USP28: variants seen among roughly 807,000 people sequenced by gnomAD.
The protein encoded by USP28 is ubiquitin specific peptidase 28.
In USP28, 113 loss-of-function variants were observed where a neutral mutation model predicts 145.0. The observed-to-expected ratio is 0.78, with a 90% CI of 0.67 to 0.91. USP28 has a LOEUF of 0.91. USP28 is among the 40% of genes least tolerant of loss of function. The pLI, the probability that USP28 is intolerant of heterozygous loss-of-function variation, is 0.00. For synonymous variants in USP28, 447 were observed against 450.9 expected (o/e 0.99, Z 0.11); for missense variants, 1,201 against 1,289.6 (o/e 0.93, Z 1.05).
chr11:113,862,933 T>A (rs911950353), intron 1 of USP28, among the ~76,000 whole-genome samples: 3 of 152,150 alleles, frequency 2.0e-5, no homozygotes, highest in African/African-American at 4.8e-5. Flanking sequence ...GTTAAGATCA[T>A]ATTCAATGGT....
intron 19 of USP28, 111 bp from the exon 21 acceptor site, chr11:113,805,157 A>C (rs1939724396): frequency 3.1e-6 from 3 of 954,472 alleles, no homozygotes; most frequent in Non-Finnish European, 4.5e-6. Flanking sequence ...ACTTCTAAAA[A>C]ATTCATATCG....
chr11:113,830,872 C>T (rs140856939), exon 9 of USP28: 112 of 1,613,642 alleles, frequency 6.9e-5, no homozygotes, highest in Middle Eastern at 1.6e-4. Flanking sequence ...TTTACCTTCA[C>T]GAACCCCTTC....
chr11:113,801,848 G>A (rs1266550788), intron 23 of USP28, 170 bp from the exon 25 acceptor site: 14 of 517,956 alleles, frequency 2.7e-5, no homozygotes, highest in Non-Finnish European at 4.3e-5. Context: ...GATTTAATTA[G>A]TGTTTAGATG....
At chr11:113,815,478 T>C (rs1462416363) in intron 13 of USP28, 96 bp from the exon 14 acceptor site, 1 of 1,155,948 alleles carries the variant, frequency 8.7e-7, no homozygotes, top group Non-Finnish European at 1.2e-6. Flanking sequence ...TATGAAAAAG[T>C]ACAGGTATTC....
chr11:113,806,280 G>A (rs1939941421), intron 19 of USP28, among the ~76,000 whole-genome samples: 1 of 151,924 alleles, frequency 6.6e-6, no homozygotes, highest in Admixed American at 6.6e-5. Flanking sequence ...TGTTGCCCAG[G>A]CTGGAGTGCA....
chr11:113,875,474 C>T, exon 1 of USP28: 1 of 1,233,872 alleles, frequency 8.1e-7, no homozygotes. Context: ...GCGCCGGCCG[C>T]GTCGTCCTGC....
chr11:113,814,122 T>G (rs1242196437), intron 14 of USP28, among the ~76,000 whole-genome samples, 167 bp from the exon 15 acceptor site: 1 of 152,258 alleles, frequency 6.6e-6, no homozygotes, highest in African/African-American at 2.4e-5. Context: ...CTTTAGGTTA[T>G]GAAAGCTTTT....
At position 113,833,024 on chromosome 11, in the gene USP28, T is replaced by C. The variant is rs537443646; in HGVS notation, c.759+396A>G. Among the ~76,000 whole-genome samples the C allele has an allele frequency of 2.6e-5, 4 of 152,318 alleles. No homozygotes were observed. In the South Asian group the frequency reaches 6.2e-4, roughly 24 times the overall value. ...AAAAGCTCCTGAACTCAGGTTTAGATAGTTTTAAAGATACTATTTCCATCT... is the reference window on the plus strand; with the variant it reads ...AAAAGCTCCTGAACTCAGGTTTAGACAGTTTTAAAGATACTATTTCCATCT... On this transcript the variant is annotated intron_variant, in intron 7 of 24. Coordinates refer to ENST00000003302, the Ensembl canonical transcript of USP28.
chr11:113,831,897 AC>A (rs753255011), intron 8 of USP28, 22 bp downstream of exon 8: 2 of 1,607,516 alleles, frequency 1.2e-6, no homozygotes, highest in South Asian at 2.2e-5. Context: ...GGAAGGATGT[AC>A]AAACAAACCC....
intron 22 of USP28, 59 bp from the exon 24 acceptor site, chr11:113,803,340 A>G: frequency 6.6e-7 from 1 of 1,509,580 alleles, no homozygotes; most frequent in Non-Finnish European, 8.9e-7. Context: ...TCTAGGGCTT[A>G]GACCTCACTT....
chr11:113,836,770 ACT>A (rs1033384407), intron 5 of USP28, among the ~76,000 whole-genome samples: 3 of 151,196 alleles, frequency 2.0e-5, no homozygotes, highest in Non-Finnish European at 4.4e-5. Context: ...CCAGAGGGAG[ACT>A]CTTAATACTT....
intron 1 of USP28, among the ~76,000 whole-genome samples, chr11:113,860,250 C>A (rs1054680935): frequency 6.6e-6 from 1 of 152,066 alleles, no homozygotes; most frequent in Non-Finnish European, 1.5e-5. Flanking sequence ...CTATTTTCAT[C>A]ATTCTGATGC....
At chr11:113,824,704 G>A (rs1156796788) in intron 11 of USP28, among the ~76,000 whole-genome samples, 3 of 151,630 alleles carry the variant, frequency 2.0e-5, no homozygotes, top group Non-Finnish European at 4.4e-5. Flanking sequence ...GCCGAGGCAG[G>A]CGGATTACCT....
chr11:113,834,198 G>T, intron 6 of USP28, 51 bp downstream of exon 6: 1 of 1,404,974 alleles, frequency 7.1e-7, no homozygotes, highest in Non-Finnish European at 9.9e-7. Context: ...AGAAGCCTTA[G>T]GGATGAAAGG....
At chr11:113,858,076 G>A (rs931635733) in intron 1 of USP28, among the ~76,000 whole-genome samples, 6 of 152,118 alleles carry the variant, frequency 3.9e-5, no homozygotes, top group Non-Finnish European at 8.8e-5. Flanking sequence ...ATGTTGGCCA[G>A]GCTGGTCTCA....
chr11:113,874,779 A>T, intron 1 of USP28: 1 of 1,148,634 alleles, frequency 8.7e-7, no homozygotes, highest in South Asian at 1.8e-5. Context: ...CTTAGATCAG[A>T]AGTCCTTATA....
At chr11:113,867,480 C>A (rs1299721961) in intron 1 of USP28, among the ~76,000 whole-genome samples, 1 of 151,888 alleles carries the variant, frequency 6.6e-6, no homozygotes, top group African/African-American at 2.4e-5. Flanking sequence ...GTTGGCCAGG[C>A]TGGTCTTGAA....
exon 19 of USP28, chr11:113,806,517 C>T (rs547717816): frequency 1.1e-5 from 17 of 1,611,382 alleles, no homozygotes; most frequent in East Asian, 4.5e-5. Context: ...AGACCCATCT[C>T]GGTCAAAGGT....
At chr11:113,853,042 C>A (rs1434409067) in intron 2 of USP28, among the ~76,000 whole-genome samples, 1 of 152,148 alleles carries the variant, frequency 6.6e-6, no homozygotes, top group Admixed American at 6.5e-5. Flanking sequence ...GGCTCACACG[C>A]CTGTAATCCC....
Sources: allele counts gnomAD v4.1 joint callset (sites outside exome capture counted in the v4.1 genomes callset), GRCh38; gene constraint gnomAD v4.1.1; transcripts MANE v1.5; gene names NCBI Gene and HGNC (gene_info 2026-07-23, HGNC 2026-07-21).